SPOCK1: variants seen among roughly 807,000 people sequenced by gnomAD.
The protein encoded by SPOCK1 is testican-1.
A neutral mutation model predicts 55.3 loss-of-function variants in SPOCK1; 23 were observed. That is an observed-to-expected ratio of 0.42 (90% confidence interval 0.30 to 0.59). The LOEUF is 0.59. Ranked by LOEUF, SPOCK1 falls within the 20% of genes least tolerant of loss-of-function variation. The pLI is 0.22. For missense variants in SPOCK1, 499 were observed against 552.5 expected (o/e 0.90, Z 0.97); for synonymous variants, 226 against 221.0 (o/e 1.02, Z -0.20).
At chr5:137,147,659 A>C (rs2127056021) in intron 3 of SPOCK1, among the ~76,000 whole-genome samples, 1 of 152,194 alleles carries the variant, frequency 6.6e-6, no homozygotes, top group African/African-American at 2.4e-5. Context: ...CACTCTTTGG[A>C]CCTCTTTTAA....
At chr5:137,245,870 G>A (rs966327014) in intron 3 of SPOCK1, among the ~76,000 whole-genome samples, 1 of 152,122 alleles carries the variant, frequency 6.6e-6, no homozygotes, top group East Asian at 1.9e-4. Context: ...TATACTGCCT[G>A]TCTATTAACA....
At chr5:137,380,711 A>C (rs528193394) in intron 2 of SPOCK1, among the ~76,000 whole-genome samples, 1 of 152,286 alleles carries the variant, frequency 6.6e-6, no homozygotes, top group Non-Finnish European at 1.5e-5. Flanking sequence ...GGCAGGAAGG[A>C]AACCCGCCCC....
At chr5:137,220,504 A>C (rs931830166) in intron 3 of SPOCK1, among the ~76,000 whole-genome samples, 1 of 152,134 alleles carries the variant, frequency 6.6e-6, no homozygotes, top group Non-Finnish European at 1.5e-5. Context: ...GGTTGTTTGT[A>C]TTTTACCCCA....
chr5:137,039,653 T>A (rs1387390370), intron 6 of SPOCK1, among the ~76,000 whole-genome samples: 2 of 152,232 alleles, frequency 1.3e-5, no homozygotes, highest in Admixed American at 6.5e-5. Flanking sequence ...AAGGCTTTGC[T>A]AATGATGGCC....
rs999583793 is a variant in SPOCK1 at position 137,089,924 on chromosome 5, G to A, written c.475-22095C>T. On this transcript the variant is annotated intron_variant, in intron 5 of 10. Coordinates refer to ENST00000394945, the MANE Select transcript of SPOCK1 (RefSeq NM_004598.4). ...AAGGGCCTCTTCTGAAATACACCAG[G>A]AGATGAGCCAGGAAGGCCACAGAGG... is the stretch of plus-strand genomic sequence containing the variant. Among the ~76,000 whole-genome samples, 9 of 152,324 alleles carry A rather than the reference G, an allele frequency of 5.9e-5. No individual in the cohort carries two copies. In the South Asian group the frequency reaches 1.7e-3, roughly 28 times the overall value.
At chr5:137,299,215 T>C (rs1757542260) in intron 2 of SPOCK1, among the ~76,000 whole-genome samples, 2 of 152,136 alleles carry the variant, frequency 1.3e-5, no homozygotes, top group African/African-American at 2.4e-5. Context: ...CCTGTTGTAC[T>C]ACTTAATGTA....
intron 2 of SPOCK1, among the ~76,000 whole-genome samples, chr5:137,494,898 G>A (rs770717264): frequency 6.6e-6 from 1 of 152,184 alleles, no homozygotes; most frequent in Non-Finnish European, 1.5e-5. Context: ...TTAGGAGAAT[G>A]GTTGTGGCAT....
chr5:137,098,935 C>T (rs1353659792), intron 5 of SPOCK1, among the ~76,000 whole-genome samples: 2 of 152,124 alleles, frequency 1.3e-5, no homozygotes, highest in Non-Finnish European at 2.9e-5. Context: ...GCTCAGTCCC[C>T]CAAGACCTCT....
intron 5 of SPOCK1, among the ~76,000 whole-genome samples, chr5:137,079,532 T>C (rs1203294904): frequency 8.3e-5 from 2 of 24,174 alleles, no homozygotes; most frequent in Admixed American, 8.4e-4. Context: ...TCCCATCTGA[T>C]TCCCCCCCCC....
rs376388927 is a variant in SPOCK1, at chr5:136,978,603, G to C, written c.*51C>G. On this transcript the variant is annotated 3_prime_UTR_variant, in exon 11 of 11. Transcript: ENST00000394945. ...AGTCTTAGATACAAATGCAGGAATA[G>C]GAAGTGACTTGCAATTTTGTGCAAA... 2.6e-6 allele frequency: 4 copies of C among 1,545,126 alleles called. No homozygotes were observed. In the African/African-American group the frequency reaches 5.5e-5, roughly 21 times the overall value.
At chr5:137,283,411 G>T (rs1227457489) in intron 2 of SPOCK1, among the ~76,000 whole-genome samples, 1 of 152,138 alleles carries the variant, frequency 6.6e-6, no homozygotes, top group African/African-American at 2.4e-5. Context: ...TGGAAAGTGA[G>T]GACACTTAAG....
At chr5:136,980,267 C>CTT (rs1160440923) in intron 9 of SPOCK1, among the ~76,000 whole-genome samples, 1 of 150,732 alleles carries the variant, frequency 6.6e-6, no homozygotes, top group Non-Finnish European at 1.5e-5. Context: ...TAATTTTTCA[C>CTT]TTTAAATCTT....
At chr5:137,154,810 C>T (rs1164071475) in intron 3 of SPOCK1, among the ~76,000 whole-genome samples, 1 of 152,168 alleles carries the variant, frequency 6.6e-6, no homozygotes, top group Non-Finnish European at 1.5e-5. Context: ...TGCACAGAAA[C>T]CAGATCACCA....
At chr5:136,987,944 T>A (rs775975385) in intron 8 of SPOCK1, among the ~76,000 whole-genome samples, 6 of 152,228 alleles carry the variant, frequency 3.9e-5, no homozygotes, top group Non-Finnish European at 8.8e-5. Flanking sequence ...TTGCCTCTTT[T>A]TTTCATTAGC....
At chr5:137,090,352 T>C (rs1355663007) in intron 5 of SPOCK1, among the ~76,000 whole-genome samples, 1 of 152,156 alleles carries the variant, frequency 6.6e-6, no homozygotes, top group Non-Finnish European at 1.5e-5. Context: ...CTCTCTTTTG[T>C]TGTGTAAGAC....
At chr5:137,259,149 A>T (rs1178526097) in intron 3 of SPOCK1, among the ~76,000 whole-genome samples, 1 of 152,210 alleles carries the variant, frequency 6.6e-6, no homozygotes, top group Non-Finnish European at 1.5e-5. Context: ...ATAAGAAAAC[A>T]AAGGCTTATA....
chr5:137,267,325 CAT>C (rs1756877536), intron 2 of SPOCK1, among the ~76,000 whole-genome samples: 1 of 152,224 alleles, frequency 6.6e-6, no homozygotes, highest in Non-Finnish European at 1.5e-5. Flanking sequence ...CTTAGTTTGA[CAT>C]ATAAACCCAG....
At chr5:137,189,466 G>A (rs1022245918) in intron 3 of SPOCK1, among the ~76,000 whole-genome samples, 18 of 152,136 alleles carry the variant, frequency 1.2e-4, no homozygotes, top group African/African-American at 3.9e-4. Context: ...ATGGAACAAC[G>A]AAGCTCAGAT....
At chr5:137,493,150 C>T (rs892531980) in intron 2 of SPOCK1, among the ~76,000 whole-genome samples, 2 of 152,318 alleles carry the variant, frequency 1.3e-5, no homozygotes, top group East Asian at 3.9e-4. Context: ...CAGGCAGTCA[C>T]CTCACCACAG....
Sources: allele counts gnomAD v4.1 joint callset (sites outside exome capture counted in the v4.1 genomes callset), GRCh38; gene constraint gnomAD v4.1.1; transcripts MANE v1.5; gene names NCBI Gene and HGNC (gene_info 2026-07-23, HGNC 2026-07-21).